The following DLGAP1 variants were observed in gnomAD, a reference collection of about 807,000 sequenced individuals.
DLGAP1 encodes disks large-associated protein 1.
Under a neutral mutation model 90.8 loss-of-function variants are expected in DLGAP1, and 11 were observed. That is an observed-to-expected ratio of 0.12 (90% CI 0.08 to 0.20). The LOEUF (loss-of-function observed/expected upper bound fraction) is 0.20, where lower values mean the gene tolerates loss of function less well. Ranked by LOEUF, DLGAP1 falls within the 10% of genes least tolerant of loss-of-function variation. The probability of loss-of-function intolerance (pLI) is 1.00; values close to 1 mark genes in which losing one functional copy is unlikely to be tolerated. For synonymous variants in DLGAP1, 558 were observed against 540.7 expected, an observed-to-expected ratio of 1.03 and a Z score of -0.44; for missense variants, 1,050 against 1,333.8, an observed-to-expected ratio of 0.79 and a Z score of 3.31.
chr18:4,357,059 GTC>G (rs367609548), intron 1 of DLGAP1, among the ~76,000 whole-genome samples: 14 of 138,530 alleles, frequency 1.0e-4, no homozygotes, highest in Admixed American at 2.3e-4. Context: ...CTGTCTGTCT[GTC>G]TCTCTCTCTC....
At chr18:4,113,011 C>A (rs1055182481) in intron 2 of DLGAP1, among the ~76,000 whole-genome samples, 3 of 152,100 alleles carry the variant, frequency 2.0e-5, no homozygotes, top group Admixed American at 1.3e-4. Context: ...CAATCCATTG[C>A]TGATGGGCAA....
chr18:3,850,843 T>C (rs958128349), intron 4 of DLGAP1, among the ~76,000 whole-genome samples: 17 of 152,106 alleles, frequency 1.1e-4, no homozygotes, highest in South Asian at 6.2e-4. Flanking sequence ...ACTTGGTTGA[T>C]AGGTAAACAC....
At chr18:3,586,187 GAAGAT>G (rs1249307094) in intron 7 of DLGAP1, among the ~76,000 whole-genome samples, 1 of 152,170 alleles carries the variant, frequency 6.6e-6, no homozygotes, top group Non-Finnish European at 1.5e-5. Flanking sequence ...AACACCCAAA[GAAGAT>G]AAGATTTTGA....
chr18:3,897,997 T>G (rs573275448), intron 3 of DLGAP1, among the ~76,000 whole-genome samples: 3 of 151,936 alleles, frequency 2.0e-5, no homozygotes, highest in Non-Finnish European at 2.9e-5. Flanking sequence ...GGTTTCACCT[T>G]GTTAGCCAGG....
At chr18:3,742,679 T>A (rs1334724108) in intron 5 of DLGAP1, among the ~76,000 whole-genome samples, 167 bp from the exon 6 acceptor site, 1 of 152,192 alleles carries the variant, frequency 6.6e-6, no homozygotes, top group Non-Finnish European at 1.5e-5. Flanking sequence ...AAGGAAGAGC[T>A]TTTGACAGGA....
At chr18:4,002,428 C>CCAT (rs1471196459) in intron 3 of DLGAP1, among the ~76,000 whole-genome samples, 1 of 152,140 alleles carries the variant, frequency 6.6e-6, no homozygotes, top group Non-Finnish European at 1.5e-5. Flanking sequence ...AAGACCAGAC[C>CCAT]CATCTCTTCT....
intron 1 of DLGAP1, among the ~76,000 whole-genome samples, chr18:4,239,835 T>C (rs887548877): frequency 3.3e-5 from 5 of 152,228 alleles, no homozygotes; most frequent in African/African-American, 1.2e-4. Flanking sequence ...TCAGTGCAGA[T>C]TGTCCAAGTT....
At chr18:3,806,629 G>A (rs528486083) in intron 5 of DLGAP1, among the ~76,000 whole-genome samples, 4 of 152,312 alleles carry the variant, frequency 2.6e-5, no homozygotes, top group East Asian at 1.9e-4. Context: ...GCACTTTAAC[G>A]GGAACATAGA....
At chr18:3,947,599 A>C (rs2072901995) in intron 3 of DLGAP1, among the ~76,000 whole-genome samples, 1 of 152,244 alleles carries the variant, frequency 6.6e-6, no homozygotes, top group Admixed American at 6.5e-5. Context: ...GACTTCTGTA[A>C]GACGTTGAAA....
intron 4 of DLGAP1, among the ~76,000 whole-genome samples, chr18:3,875,423 A>T (rs1380258821): frequency 6.6e-6 from 1 of 152,210 alleles, no homozygotes; most frequent in Non-Finnish European, 1.5e-5. Context: ...TGAGTACTTA[A>T]TGAGACATAC....
chr18:3,714,035 G>C (rs909349630), intron 7 of DLGAP1, among the ~76,000 whole-genome samples: 1 of 152,146 alleles, frequency 6.6e-6, no homozygotes, highest in Non-Finnish European at 1.5e-5. Flanking sequence ...CTGTTCCAAT[G>C]CTTCTGGAGG....
At chr18:3,510,930 T>C (rs2050505043) in intron 10 of DLGAP1, among the ~76,000 whole-genome samples, 1 of 152,274 alleles carries the variant, frequency 6.6e-6, no homozygotes, top group Non-Finnish European at 1.5e-5. Context: ...GTCAGATGTC[T>C]TCTCAAAAGT....
chr18:3,633,757 T>C (rs1422672003), intron 7 of DLGAP1, among the ~76,000 whole-genome samples: 2 of 152,222 alleles, frequency 1.3e-5, no homozygotes, highest in Non-Finnish European at 2.9e-5. Flanking sequence ...CACACATGTA[T>C]ACACTTTTAT....
chr18:4,452,427 A>G lies in DLGAP1; in HGVS notation c.-267+2579T>C, dbSNP rs770651170. Among the ~76,000 whole-genome samples the G allele has an allele frequency of 3.1e-4, 47 of 152,118 alleles. 1 individual carries two copies. The highest frequency in any genetic ancestry group is 5.4e-4 in the Non-Finnish European group (37 of 67,984). On this transcript the variant is annotated intron_variant, in intron 1 of 12. Transcript: ENST00000315677. ...GTGAATATTGCTCATATTCACTAAAATGAGTACTTTGTAAAACAAGTCCCC... is the reference window on the plus strand; with the variant it reads ...GTGAATATTGCTCATATTCACTAAAGTGAGTACTTTGTAAAACAAGTCCCC...
At chr18:4,221,966 G>A (rs2078087189) in intron 1 of DLGAP1, among the ~76,000 whole-genome samples, 1 of 152,050 alleles carries the variant, frequency 6.6e-6, no homozygotes, top group South Asian at 2.1e-4. Context: ...CTTTGAACAC[G>A]AATATTCCTG....
At chr18:3,746,758 G>A (rs2063285659) in intron 5 of DLGAP1, among the ~76,000 whole-genome samples, 1 of 152,014 alleles carries the variant, frequency 6.6e-6, no homozygotes, top group South Asian at 2.1e-4. Context: ...GAGAAATGTG[G>A]ATTTTAAAAA....
intron 1 of DLGAP1, among the ~76,000 whole-genome samples, chr18:4,376,964 A>G (rs1346444441): frequency 6.6e-6 from 1 of 152,176 alleles, no homozygotes; most frequent in African/African-American, 2.4e-5. Context: ...TGGTGTGAGT[A>G]TAACTTTGGC....
intron 3 of DLGAP1, chr18:3,986,179 C>T (rs1049307180): frequency 6.6e-5 from 10 of 152,100 alleles, no homozygotes; most frequent in Admixed American, 2.6e-4. Flanking sequence ...CTGTCACCAT[C>T]GCCCGTTTCT....
intron 4 of DLGAP1, among the ~76,000 whole-genome samples, chr18:3,829,257 A>G (rs910715588): frequency 6.6e-6 from 1 of 152,250 alleles, no homozygotes; most frequent in Non-Finnish European, 1.5e-5. Flanking sequence ...AAAGATAGAG[A>G]TGATATAAAG....
Sources: gnomAD v4.1 joint callset for allele counts (sites outside exome capture counted in the v4.1 genomes callset) on GRCh38, gnomAD v4.1.1 for gene constraint, MANE v1.5 for transcripts, NCBI Gene and HGNC (gene_info 2026-07-23, HGNC 2026-07-21) for gene names.